Variants in PARD3B observed in about 807,000 individuals in gnomAD.
PARD3B encodes the protein par-3 family cell polarity regulator beta.
In PARD3B, 103 loss-of-function variants were observed where a neutral mutation model predicts 130.2. The ratio of observed to expected loss-of-function variants is 0.79; its 90% CI spans 0.67 to 0.93. The LOEUF (loss-of-function observed/expected upper bound fraction) is 0.93, where lower values mean the gene tolerates loss of function less well. Ranked by LOEUF, PARD3B falls within the 40% of genes least tolerant of loss-of-function variation. The pLI, the probability that PARD3B is intolerant of heterozygous loss-of-function variation, is 0.00. For missense variants in PARD3B, 1,609 were observed against 1,499.2 expected (o/e 1.07, Z -1.21); for synonymous variants, 583 against 553.2 (o/e 1.05, Z -0.76).
chr2:204,752,474 T>C (rs190468948), intron 2 of PARD3B, among the ~76,000 whole-genome samples: 1 of 152,252 alleles, frequency 6.6e-6, no homozygotes, highest in Admixed American at 6.5e-5. Flanking sequence ...TAAAAAATGG[T>C]ATCTTTATAA....
At chr2:204,895,647 C>A (rs1247480574) in intron 2 of PARD3B, among the ~76,000 whole-genome samples, 1 of 151,846 alleles carries the variant, frequency 6.6e-6, no homozygotes, top group Non-Finnish European at 1.5e-5. Flanking sequence ...AGTGAGCTCC[C>A]CCGCCAAAAA....
At position 204,641,049 on chromosome 2, in the gene PARD3B, GTATAT is replaced by G. The variant is rs969569706; in HGVS notation, c.121-45126_121-45122del. 2.6e-4 allele frequency among the ~76,000 whole-genome samples: 38 copies of G among 146,670 alleles called. No individual in the cohort carries two copies. In the East Asian group the frequency reaches 2.9e-3, roughly 11 times the overall value. ...ATTTACTATATTATATGTTATAATA[GTATAT>G]TATATAGTATTATATATTGTATATT... On this transcript the variant is annotated intron_variant, in intron 1 of 22. Transcript: ENST00000406610.
At position 205,017,144 on chromosome 2, in the gene PARD3B, G is replaced by A. The variant is rs1334332303; in HGVS notation, c.395-30437G>A. The stretch of plus-strand genomic sequence containing the variant: ...AGACAGTTTGGGTAATAGAGGGGCA[G>A]CCATATCAACAAAGCATGTGAAGGA... On this transcript the variant is annotated intron_variant, in intron 3 of 22. Coordinates refer to ENST00000406610, the MANE Select transcript of PARD3B (RefSeq NM_001302769.2). Among the ~76,000 whole-genome samples the A allele has an allele frequency of 4.6e-5, 7 of 152,258 alleles. No homozygotes were observed. The East Asian group carries it at 1.4e-3, about 29-fold the overall frequency.
At chr2:204,987,808 CATT>C (rs1170892222) in intron 3 of PARD3B, among the ~76,000 whole-genome samples, 1 of 151,854 alleles carries the variant, frequency 6.6e-6, no homozygotes, top group Non-Finnish European at 1.5e-5. Context: ...AAATTAGAAA[CATT>C]ATCTGTGATT....
At chr2:205,119,646 G>T (rs1290401052) in intron 7 of PARD3B, among the ~76,000 whole-genome samples, 1 of 152,088 alleles carries the variant, frequency 6.6e-6, no homozygotes, top group East Asian at 1.9e-4. Flanking sequence ...GCCAGGCGTG[G>T]TGGTACGCGC....
intron 18 of PARD3B, among the ~76,000 whole-genome samples, chr2:205,314,938 A>G (rs1459687816): frequency 6.6e-6 from 1 of 152,098 alleles, no homozygotes; most frequent in Non-Finnish European, 1.5e-5. Flanking sequence ...TCAGTCAACA[A>G]TCTTGATATT....
At chr2:204,633,183 A>T (rs1399278136) in intron 1 of PARD3B, among the ~76,000 whole-genome samples, 2 of 152,170 alleles carry the variant, frequency 1.3e-5, no homozygotes, top group Non-Finnish European at 2.9e-5. Context: ...AATTTTTAAT[A>T]AAGAGGGTGT....
At position 205,146,925 on chromosome 2, in the gene PARD3B, AG is replaced by A. The variant is rs1458290099; in HGVS notation, c.1435-11795del. 1.3e-5 allele frequency among the ~76,000 whole-genome samples: 2 copies of A among 151,968 alleles called. No homozygotes were observed. Among genetic ancestry groups the A allele is most frequent in the Non-Finnish European group, 2.9e-5 (2 of 68,004 alleles). The stretch of plus-strand genomic sequence containing the variant: ...GGAATGGGGTTTTGCCATGTTGGCC[AG>A]GCTGGTCTCGAACTCCTGACCTCAA... On this transcript the variant is annotated intron_variant, in intron 10 of 22. Coordinates refer to ENST00000406610, the MANE Select transcript of PARD3B (RefSeq NM_001302769.2). This position sits in a 1 kb window ranked among gnomAD's most constrained non-coding sequence, Gnocchi z 4.3.
intron 18 of PARD3B, among the ~76,000 whole-genome samples, chr2:205,340,366 C>G (rs992840845): frequency 1.3e-5 from 2 of 151,976 alleles, no homozygotes; most frequent in African/African-American, 4.8e-5. Flanking sequence ...ACAAAGCTAC[C>G]ATAACCAAAG....
Position 205,176,576 on chromosome 2 carries a change from A to G in PARD3B, c.1923A>G (p.Lys641=), listed in dbSNP as rs1390183622. The G allele has an allele frequency of 4.4e-6, 7 of 1,605,292 alleles. No individual in the cohort carries two copies. The highest frequency in any genetic ancestry group is 1.7e-5 in the Admixed American group (1 of 58,110). The part of the protein sequence containing the change: ...LGTCSPQDKQ[K]GLLLPNDGWA... ...CTTGCAGTCCACAAGACAAACAGAA[A>G]GGTAAGAGTCTATTCATTTTATCCA... The change falls in exon 13 of 23, where the codon AAA becomes AAG. Residue 641 remains lysine (K), a splice_region_variant and synonymous_variant. Transcript: ENST00000406610. This position sits in a 1 kb window ranked among gnomAD's most constrained non-coding sequence, Gnocchi z 5.3.
intron 21 of PARD3B, among the ~76,000 whole-genome samples, chr2:205,528,686 T>C (rs2051445269): frequency 6.6e-6 from 1 of 152,122 alleles, no homozygotes; most frequent in Non-Finnish European, 1.5e-5. Flanking sequence ...GAGACAGGGT[T>C]TGACCATGTT....
chr2:204,563,920 C>T (rs2125059994), intron 1 of PARD3B, among the ~76,000 whole-genome samples: 1 of 152,188 alleles, frequency 6.6e-6, no homozygotes, highest in African/African-American at 2.4e-5. Context: ...ACTACAGGCA[C>T]CCGCCACCAT....
intron 1 of PARD3B, among the ~76,000 whole-genome samples, chr2:204,599,092 A>G (rs932032325): frequency 6.6e-6 from 1 of 151,666 alleles, no homozygotes; most frequent in African/African-American, 2.4e-5. Flanking sequence ...TTTTTGCAAG[A>G]ACCCTGGTGA....
chr2:204,928,164 G>T (rs1687773759), intron 2 of PARD3B, among the ~76,000 whole-genome samples: 1 of 152,006 alleles, frequency 6.6e-6, no homozygotes, highest in South Asian at 2.1e-4. Flanking sequence ...GCTATTGCCT[G>T]GTTTCATATG....
rs1182653512 is a variant in PARD3B at position 204,602,038 on chromosome 2, C to T, written c.120+55919C>T. ...ATCATTGACTTTGATCCTGTCATTA[C>T]AGGGAGTTATTTCTCATCTAGGGTA... On this transcript the variant is annotated intron_variant, in intron 1 of 22. Transcript: ENST00000406610. Among the ~76,000 whole-genome samples, 6 of 152,050 alleles carry T rather than the reference C, an allele frequency of 3.9e-5. No individual in the cohort carries two copies. The South Asian group carries it at 1.2e-3, about 32-fold the overall frequency.
At chr2:205,035,718 T>C (rs577880506) in intron 3 of PARD3B, among the ~76,000 whole-genome samples, 1 of 148,258 alleles carries the variant, frequency 6.7e-6, no homozygotes, top group African/African-American at 2.5e-5. Flanking sequence ...GTGAGCCACA[T>C]AAAAATAGTC....
intron 13 of PARD3B, among the ~76,000 whole-genome samples, chr2:205,179,580 A>G (rs1485872722): frequency 6.6e-6 from 1 of 152,220 alleles, no homozygotes; most frequent in Non-Finnish European, 1.5e-5. Context: ...GCTATACAGG[A>G]TTGTAGCCTA....
At chr2:205,216,734 C>A (rs570536191) in intron 15 of PARD3B, among the ~76,000 whole-genome samples, 1 of 152,156 alleles carries the variant, frequency 6.6e-6, no homozygotes, top group African/African-American at 2.4e-5. Context: ...TTTAGGTCAA[C>A]ACAGAACAGT....
chr2:204,611,268 T>C (rs73059013), intron 1 of PARD3B, among the ~76,000 whole-genome samples: 3,260 of 152,284 alleles, frequency 0.021, 128 homozygotes, highest in East Asian at 0.14. Context: ...AAGAAATCCT[T>C]GTAGCCCTCT....
Sources: allele counts gnomAD v4.1 joint callset (sites outside exome capture counted in the v4.1 genomes callset), GRCh38; gene constraint gnomAD v4.1.1; non-coding constraint Gnocchi (gnomAD v3.1); transcripts MANE v1.5; gene names NCBI Gene and HGNC (gene_info 2026-07-23, HGNC 2026-07-21).